DOK6: variants seen among roughly 807,000 people sequenced by gnomAD.
DOK6 encodes docking protein 6, also known as downstream of tyrosine kinase 6.
Under a neutral mutation model 44.0 loss-of-function variants are expected in DOK6, and 22 were observed. The observed-to-expected ratio is 0.50, with a 90% CI of 0.36 to 0.71. The LOEUF (loss-of-function observed/expected upper bound fraction) is 0.71, where lower values mean the gene tolerates loss of function less well. Ranked by LOEUF, DOK6 falls within the 30% of genes least tolerant of loss-of-function variation. The pLI is 0.00. For missense variants in DOK6, 340 were observed against 416.4 expected (o/e 0.82, Z 1.60); for synonymous variants, 166 against 145.5 (o/e 1.14, Z -1.01).
intron 1 of DOK6, among the ~76,000 whole-genome samples, chr18:69,472,868 C>T (rs1475114513): frequency 2.0e-5 from 3 of 152,004 alleles, no homozygotes; most frequent in Non-Finnish European, 4.4e-5. Flanking sequence ...TTATAAGAAA[C>T]AAAGAATTTC....
At chr18:69,783,022 G>A (rs7244597) in intron 7 of DOK6, among the ~76,000 whole-genome samples, 19,526 of 152,130 alleles carry the variant, frequency 0.13, 1,932 homozygotes, top group African/African-American at 0.27. Flanking sequence ...GAGCTTAGTT[G>A]GTATATTTCG....
At chr18:69,410,327 T>A (rs1489768315) in intron 1 of DOK6, among the ~76,000 whole-genome samples, 1 of 152,162 alleles carries the variant, frequency 6.6e-6, no homozygotes, top group Non-Finnish European at 1.5e-5. Flanking sequence ...TGGAGTTGAG[T>A]GTAGGTTTGC....
intron 1 of DOK6, among the ~76,000 whole-genome samples, chr18:69,564,166 G>T (rs566599710): frequency 8.5e-5 from 13 of 152,158 alleles, no homozygotes; most frequent in African/African-American, 2.4e-4. Flanking sequence ...CACTGCACTA[G>T]CATGGAAGAT....
chr18:69,840,757 T>C (rs948928279), intron 7 of DOK6, among the ~76,000 whole-genome samples: 1 of 152,194 alleles, frequency 6.6e-6, no homozygotes, highest in Non-Finnish European at 1.5e-5. Context: ...TTTCTGATAA[T>C]TCATGGTTAC....
intron 7 of DOK6, among the ~76,000 whole-genome samples, chr18:69,761,873 G>A (rs1979567459): frequency 6.6e-6 from 1 of 152,234 alleles, no homozygotes; most frequent in Non-Finnish European, 1.5e-5. Context: ...CAAGTTACCG[G>A]CAGCGAATCC....
At chr18:69,422,431 A>G (rs550955150) in intron 1 of DOK6, among the ~76,000 whole-genome samples, 1 of 152,232 alleles carries the variant, frequency 6.6e-6, no homozygotes, top group Non-Finnish European at 1.5e-5. Context: ...CAATGAGTCT[A>G]AATAGAATAT....
At chr18:69,476,614 G>A (rs1980272483) in intron 1 of DOK6, among the ~76,000 whole-genome samples, 1 of 152,152 alleles carries the variant, frequency 6.6e-6, no homozygotes, top group East Asian at 1.9e-4. Context: ...GCCACCCCCA[G>A]GTCCACAGGA....
intron 3 of DOK6, among the ~76,000 whole-genome samples, chr18:69,615,921 G>A (rs936963885): frequency 1.3e-5 from 2 of 152,138 alleles, no homozygotes; most frequent in Non-Finnish European, 2.9e-5. Context: ...GATGAGTGTG[G>A]CTAATGCATT....
chr18:69,531,073 T>G (rs1437926191), intron 1 of DOK6, among the ~76,000 whole-genome samples: 1 of 151,776 alleles, frequency 6.6e-6, no homozygotes, highest in Non-Finnish European at 1.5e-5. Flanking sequence ...AGACTAGGAT[T>G]ACAACCCCTG....
intron 2 of DOK6, among the ~76,000 whole-genome samples, chr18:69,587,712 T>C (rs986349446): frequency 6.6e-6 from 1 of 151,934 alleles, no homozygotes; most frequent in Non-Finnish European, 1.5e-5. Flanking sequence ...ACTGACTGAG[T>C]TGTTTTGTGA....
At chr18:69,432,343 C>T (rs965327734) in intron 1 of DOK6, among the ~76,000 whole-genome samples, 1 of 152,100 alleles carries the variant, frequency 6.6e-6, no homozygotes, top group Non-Finnish European at 1.5e-5. Flanking sequence ...ACTTGGGATG[C>T]TGAGGTGGGA....
At chr18:69,561,140 G>A (rs1982821931) in intron 1 of DOK6, among the ~76,000 whole-genome samples, 1 of 152,092 alleles carries the variant, frequency 6.6e-6, no homozygotes, top group Non-Finnish European at 1.5e-5. Flanking sequence ...CTGTGTACTA[G>A]AACATAAGCC....
At chr18:69,698,751 A>G (rs1257588299) in intron 5 of DOK6, among the ~76,000 whole-genome samples, 158 bp downstream of exon 5, 2 of 152,218 alleles carry the variant, frequency 1.3e-5, no homozygotes, top group East Asian at 3.8e-4. Flanking sequence ...CAGATTCTTA[A>G]TAACATGAAT....
intron 1 of DOK6, among the ~76,000 whole-genome samples, chr18:69,555,306 A>T (rs1298338142): frequency 6.6e-6 from 1 of 152,178 alleles, no homozygotes; most frequent in Admixed American, 6.5e-5. Context: ...GCCATTTTGG[A>T]AAAGAGTAAC....
chr18:69,783,323 C>G (rs1012942811), intron 7 of DOK6, among the ~76,000 whole-genome samples: 2 of 152,168 alleles, frequency 1.3e-5, no homozygotes, highest in African/African-American at 4.8e-5. Flanking sequence ...ATACACACAC[C>G]AGATGTGAAG....
At chr18:69,590,307 T>C (rs890805436) in intron 2 of DOK6, among the ~76,000 whole-genome samples, 1 of 152,158 alleles carries the variant, frequency 6.6e-6, no homozygotes, top group African/African-American at 2.4e-5. Context: ...TAGATCAAAT[T>C]GCCAAGTTCT....
chr18:69,530,076 A>G (rs1981942051), intron 1 of DOK6, among the ~76,000 whole-genome samples: 1 of 152,154 alleles, frequency 6.6e-6, no homozygotes, highest in African/African-American at 2.4e-5. Context: ...AAAGCACTCA[A>G]AATTATTATT....
At chr18:69,566,913 T>C in intron 2 of DOK6, among the ~76,000 whole-genome samples, 1 of 152,164 alleles carries the variant, frequency 6.6e-6, no homozygotes, top group East Asian at 1.9e-4. Context: ...CTCCTTATTT[T>C]ATATTCTCTT....
chr18:69,476,842 TACTC>T (rs1280826443), intron 1 of DOK6, among the ~76,000 whole-genome samples: 2 of 152,146 alleles, frequency 1.3e-5, no homozygotes, highest in Admixed American at 6.5e-5. Context: ...GCATGGAACA[TACTC>T]ATGCAATCCA....
Sources: allele counts gnomAD v4.1 joint callset (sites outside exome capture counted in the v4.1 genomes callset), GRCh38; gene constraint gnomAD v4.1.1; transcripts MANE v1.5; gene names NCBI Gene and HGNC (gene_info 2026-07-23, HGNC 2026-07-21).